Variants in MYH15 observed in about 807,000 individuals in gnomAD.
MYH15 encodes the protein myosin heavy chain 15, also known as myosin-15.
Under a neutral mutation model 240.5 loss-of-function variants are expected in MYH15, and 227 were observed. The ratio of observed to expected loss-of-function variants is 0.94; its 90% CI spans 0.85 to 1.05. MYH15 has a LOEUF of 1.05. MYH15 is among the 50% of genes least tolerant of loss of function. The probability of loss-of-function intolerance (pLI) is 0.00; values close to 1 mark genes in which losing one functional copy is unlikely to be tolerated. For synonymous variants in MYH15, 785 were observed against 796.7 expected, an observed-to-expected ratio of 0.99 and a Z score of 0.25; for missense variants, 2,217 against 2,247.5, an observed-to-expected ratio of 0.99 and a Z score of 0.27.
intron 5 of MYH15, among the ~76,000 whole-genome samples, chr3:108,498,971 G>A (rs891629543): frequency 6.6e-5 from 10 of 152,190 alleles, no homozygotes; most frequent in South Asian, 2.1e-4. Context: ...TGACACTTCC[G>A]TCTATCCTTT....
chr3:108,419,339 GT>G (rs1421482757), intron 28 of MYH15, among the ~76,000 whole-genome samples: 2 of 151,988 alleles, frequency 1.3e-5, no homozygotes, highest in East Asian at 3.9e-4. Context: ...AAAAGGTAAA[GT>G]TAAAAAAAGG....
intron 1 of MYH15, among the ~76,000 whole-genome samples, chr3:108,507,252 T>TGA (rs1206255031): frequency 6.0e-5 from 3 of 50,216 alleles, no homozygotes; most frequent in East Asian, 5.8e-4. Context: ...TATATATATA[T>TGA]ATATATATAT....
Position 108,430,873 on chromosome 3 carries a change from C to A in MYH15, c.3271G>T (p.Gly1091Cys), listed in dbSNP as rs780842719. 2 of 1,612,626 alleles carry A rather than the reference C, an allele frequency of 1.2e-6. No individual in the cohort carries two copies. Among genetic ancestry groups the A allele is most frequent in the Non-Finnish European group, 1.7e-6 (2 of 1,179,800 alleles). The change falls in exon 26 of 41, where the codon GGC becomes TGC. Residue 1091 changes from glycine (G) to cysteine (C), a missense_variant. Coordinates refer to ENST00000693548, the MANE Select transcript of MYH15 (RefSeq NM_014981.3). ...GTCTTCTGAAGCTGAGCTACCAGGC[C>A]TTTCTCATTCTCCACTTTTGAATTC... is the stretch of plus-strand genomic sequence containing the variant. ...QMNSKVENEK[G>C]LVAQLQKTVK...
At chr3:108,474,510 GATAA>G (rs1273759292) in intron 12 of MYH15, among the ~76,000 whole-genome samples, 2 of 144,380 alleles carry the variant, frequency 1.4e-5, no homozygotes, top group African/African-American at 2.6e-5. Flanking sequence ...TATTTTAATT[GATAA>G]ATAATTATAT....
chr3:108,522,622 G>T (rs1380752039), intron 1 of MYH15, among the ~76,000 whole-genome samples: 1 of 151,954 alleles, frequency 6.6e-6, no homozygotes. Context: ...ACCACAAGTT[G>T]TTCTGCTTCA....
chr3:108,510,641 C>T (rs2083515597), upstream of MYH15: 2 of 1,543,012 alleles, frequency 1.3e-6, no homozygotes, highest in Non-Finnish European at 1.8e-6. Context: ...AGGCATCAAG[C>T]TCTAAATGAG....
At chr3:108,431,461 C>T (rs1180411867) in intron 25 of MYH15, among the ~76,000 whole-genome samples, 1 of 152,204 alleles carries the variant, frequency 6.6e-6, no homozygotes, top group African/African-American at 2.4e-5. Flanking sequence ...TGCACAAGTT[C>T]TCTCTTTTTG....
Position 108,383,739 on chromosome 3 carries a change from TAAAAA to T in MYH15, c.5632-15_5632-11del. 2 of 1,350,848 alleles carry T rather than the reference TAAAAA, an allele frequency of 1.5e-6. No individual in the cohort carries two copies. The highest frequency in any genetic ancestry group is 1.6e-5 in the South Asian group (1 of 61,968). The allele number at this position is 1,350,848 out of a possible 1,614,324, so 83.7% of individuals were successfully genotyped here. On this transcript the variant is annotated splice_polypyrimidine_tract_variant and intron_variant, in intron 39 of 40. Transcript: ENST00000693548. ...GATTGGCTTGTGTTTCCTATAAAAA[TAAAAA>T]AAAAAAAAAAGAAATCTCCATGCCT...
chr3:108,501,571 G>T, intron 3 of MYH15, 141 bp downstream of exon 3: 1 of 1,017,688 alleles, frequency 9.8e-7, no homozygotes, highest in Non-Finnish European at 1.4e-6. Flanking sequence ...GCTAAGATAA[G>T]GTCCCTTCCC....
chr3:108,448,204 A>T (rs9845187), intron 21 of MYH15, among the ~76,000 whole-genome samples: 2,597 of 152,170 alleles, frequency 0.017, 73 homozygotes, highest in African/African-American at 0.059. Flanking sequence ...GAAAGAAACA[A>T]TTTTTTTAAA....
rs200503956 is a variant in MYH15, at chr3:108,506,438, C to T, written c.89-609G>A. 3.9e-5 allele frequency among the ~76,000 whole-genome samples: 6 copies of T among 152,238 alleles called. No individual in the cohort carries two copies. In the East Asian group the frequency reaches 1.2e-3, roughly 29 times the overall value. On this transcript the variant is annotated intron_variant, in intron 1 of 40. Transcript: ENST00000693548. ...TTTCTCTCTTCAGCGTCCTCAGTTC[C>T]TATACCCCATCCCTAAGCAAAGTAG...
intron 25 of MYH15, among the ~76,000 whole-genome samples, chr3:108,432,603 G>C (rs1164706541): frequency 2.0e-5 from 3 of 152,268 alleles, no homozygotes; most frequent in South Asian, 2.1e-4. Context: ...GGAAAAATTG[G>C]TTTCGTGGGC....
chr3:108,431,422 A>C (rs79013473), intron 25 of MYH15, among the ~76,000 whole-genome samples: 1 of 152,154 alleles, frequency 6.6e-6, no homozygotes, highest in Admixed American at 6.5e-5. Context: ...ATCTAACAAG[A>C]TCTAACGTTT....
upstream of MYH15, among the ~76,000 whole-genome samples, chr3:108,512,925 T>C (rs1388406895): frequency 6.6e-6 from 1 of 152,100 alleles, no homozygotes; most frequent in African/African-American, 2.4e-5. Context: ...GCCAAGAGAA[T>C]GATTCACCTG....
At chr3:108,480,313 C>T (rs536723259) in intron 11 of MYH15, among the ~76,000 whole-genome samples, 1 of 152,206 alleles carries the variant, frequency 6.6e-6, no homozygotes, top group South Asian at 2.1e-4. Context: ...AAGCCACAGG[C>T]GTTGAAGAGT....
At chr3:108,416,775 C>T (rs778817359) in intron 29 of MYH15, 37 bp downstream of exon 29, 10 of 1,473,240 alleles carry the variant, frequency 6.8e-6, no homozygotes, top group South Asian at 6.1e-5. Context: ...AAAAAACACA[C>T]AGTCAAGAAA....
At chr3:108,395,446 G>A (rs1381373949) in intron 35 of MYH15, among the ~76,000 whole-genome samples, 1 of 152,126 alleles carries the variant, frequency 6.6e-6, no homozygotes, top group Non-Finnish European at 1.5e-5. Flanking sequence ...GTGGAATTAA[G>A]TTGTATTTTC....
At chr3:108,538,904 CAG>C in the MYH15 span, among the ~76,000 whole-genome samples, 2 of 152,074 alleles carry the variant, frequency 1.3e-5, no homozygotes, top group African/African-American at 4.8e-5. Context: ...CACCCCATGG[CAG>C]AGAGTGGAAG....
intron 29 of MYH15, among the ~76,000 whole-genome samples, chr3:108,415,605 A>G (rs2082626732): frequency 6.6e-6 from 1 of 152,258 alleles, no homozygotes; most frequent in South Asian, 2.1e-4. Context: ...ACATTAATAA[A>G]TAAAATTTCT....
Sources: allele counts gnomAD v4.1 joint callset (sites outside exome capture counted in the v4.1 genomes callset), GRCh38; gene constraint gnomAD v4.1.1; transcripts MANE v1.5; gene names NCBI Gene and HGNC (gene_info 2026-07-23, HGNC 2026-07-21).